HGF: variants seen among roughly 807,000 people sequenced by gnomAD.
The protein encoded by HGF is fibroblast-derived tumor cytotoxic factor.
In HGF, 39 loss-of-function variants were observed where a neutral mutation model predicts 111.6. The observed-to-expected ratio is 0.35, with a 90% CI of 0.27 to 0.46. HGF has a LOEUF of 0.46. Ranked by LOEUF, HGF falls within the 20% of genes least tolerant of loss-of-function variation. The pLI is 1.00. For synonymous variants in HGF, 285 were observed against 294.8 expected (o/e 0.97, Z 0.34); for missense variants, 735 against 910.5 (o/e 0.81, Z 2.48).
intron 2 of HGF, among the ~76,000 whole-genome samples, chr7:81,762,398 T>C (rs1218651209): frequency 6.6e-6 from 1 of 152,234 alleles, no homozygotes; most frequent in Admixed American, 6.5e-5. Context: ...TGAATAGATA[T>C]TTTAAAACCC....
At chr7:81,759,619 C>A (rs1489904668) in intron 2 of HGF, among the ~76,000 whole-genome samples, 1 of 152,062 alleles carries the variant, frequency 6.6e-6, no homozygotes. Context: ...ATTCTCCTGC[C>A]TCAGCCTCCC....
Position 81,758,744 on chromosome 7 carries a change from T to C in HGF, c.315A>G (p.Ser105=). 2 of 1,613,366 alleles carry C rather than the reference T, an allele frequency of 1.2e-6. No individual in the cohort carries two copies. Among genetic ancestry groups the C allele is most frequent in the Non-Finnish European group, 1.7e-6 (2 of 1,179,564 alleles). The change falls in exon 3 of 18, where the codon TCA becomes TCG. Residue 105 remains serine (S), a synonymous_variant. Transcript: ENST00000222390. ...QCLWFPFNSM[S]SGVKKEFGHE... The stretch of plus-strand genomic sequence containing the variant: ...GGCCAAATTCTTTTTTCACTCCACT[T>C]GACATGCTATTGAAGGGGAACCAGA...
intron 7 of HGF, chr7:81,736,761 G>C (rs1194646503): frequency 4.3e-6 from 2 of 469,940 alleles, no homozygotes; most frequent in South Asian, 3.1e-5. Context: ...TGAGAGCCTG[G>C]AGAGAAATGT....
chr7:81,742,963 G>A (rs1351659970), intron 7 of HGF: 2 of 1,611,970 alleles, frequency 1.2e-6, no homozygotes, highest in Non-Finnish European at 1.7e-6. Context: ...GGGAGGAAAG[G>A]TAGGTAAAGG....
Position 81,700,957 on chromosome 7 carries a change from C to G in HGF, c.*1624G>C, listed in dbSNP as rs1789263655. On this transcript the variant is annotated 3_prime_UTR_variant, in exon 18 of 18. Coordinates refer to ENST00000222390, the MANE Select transcript of HGF (RefSeq NM_000601.6). ...GGACTTGGCCTTGATAAAAATCACT[C>G]AAGAAAACTAAGTCAGAGAAATGGG... is the stretch of plus-strand genomic sequence containing the variant. 6.6e-6 allele frequency: 1 copy of G among 151,570 alleles called. No homozygotes were observed. Among genetic ancestry groups the G allele is most frequent in the Non-Finnish European group, 1.5e-5 (1 of 67,664 alleles). 9.4% of individuals were successfully genotyped at this position (151,570 alleles called of 1,614,324 possible). A position where few individuals can be genotyped will look rare whatever the true frequency, so the allele number is the denominator to read the frequency against.
chr7:81,745,943 T>C (rs540959107), intron 5 of HGF, among the ~76,000 whole-genome samples: 16 of 152,362 alleles, frequency 1.1e-4, no homozygotes, highest in African/African-American at 3.8e-4. Context: ...CAGGTTGATT[T>C]GTAGCACAGA....
intron 5 of HGF, 43 bp downstream of exon 5, chr7:81,752,077 T>G: frequency 6.2e-7 from 1 of 1,612,388 alleles, no homozygotes; most frequent in Middle Eastern, 1.7e-4. Context: ...GTTCTACACA[T>G]AGGGGGAATA....
At chr7:81,756,918 T>C (rs768025098) in intron 4 of HGF, 1 of 514,088 alleles carries the variant, frequency 1.9e-6, no homozygotes, top group Non-Finnish European at 3.5e-6. Flanking sequence ...AAGAATCCTT[T>C]TAAACGAAGT....
intron 5 of HGF, chr7:81,751,223 A>C (rs2116106259): frequency 2.1e-6 from 2 of 955,748 alleles, no homozygotes; most frequent in Middle Eastern, 5.4e-4. Flanking sequence ...ACAGCATTCC[A>C]GTAGTCCCCC....
Position 81,758,759 on chromosome 7 carries a change from G to A in HGF, c.300C>T (p.Pro100=), listed in dbSNP as rs1361905808. The A allele has an allele frequency of 2.5e-6, 4 of 1,613,230 alleles. No homozygotes were observed. The highest frequency in any genetic ancestry group is 3.4e-6 in the Non-Finnish European group (4 of 1,179,528). Residue 100 remains proline, a synonymous_variant, in exon 3 of 18, where the codon CCC becomes CCT. Transcript: ENST00000222390. The stretch of plus-strand genomic sequence containing the variant: ...TCACTCCACTTGACATGCTATTGAA[G>A]GGGAACCAGAGGCATTGTTTTCTTG... ...DKARKQCLWF[P]FNSMSSGVKK...
intron 14 of HGF, 32 bp from the exon 15 acceptor site, chr7:81,706,459 AC>A: frequency 6.4e-7 from 1 of 1,558,846 alleles, no homozygotes; most frequent in Non-Finnish European, 8.8e-7. Flanking sequence ...TAAATGTAAA[AC>A]ATAATAATTC....
intron 7 of HGF, chr7:81,742,954 G>A (rs1266595687): frequency 1.2e-5 from 19 of 1,612,688 alleles, no homozygotes; most frequent in East Asian, 2.2e-5. Flanking sequence ...ATGTCTCTGG[G>A]GAGGAAAGGT....
chr7:81,704,862 A>C (rs5745758), intron 17 of HGF, among the ~76,000 whole-genome samples: 70 of 151,976 alleles, frequency 4.6e-4, no homozygotes, highest in African/African-American at 1.6e-3. Context: ...CACAAATGAA[A>C]TGTCCAAGCT....
intron 6 of HGF, 95 bp from the exon 7 acceptor site, chr7:81,743,566 C>T: frequency 3.6e-6 from 3 of 840,868 alleles, no homozygotes; most frequent in Non-Finnish European, 6.3e-6. Context: ...AGGTTGTCTA[C>T]ACCTAGCTGG....
intron 7 of HGF, among the ~76,000 whole-genome samples, chr7:81,735,667 A>G (rs1173335910): frequency 6.6e-6 from 1 of 152,052 alleles, no homozygotes; most frequent in Non-Finnish European, 1.5e-5. Flanking sequence ...ATTTTTTTGT[A>G]TATTTGTTTC....
chr7:81,706,392 T>A lies in HGF; in HGVS notation c.1652A>T (p.His551Leu). 8.1e-6 allele frequency: 13 copies of A among 1,612,518 alleles called. No individual in the cohort carries two copies. The highest frequency in any genetic ancestry group is 1.1e-5 in the Non-Finnish European group (13 of 1,178,786). Residue 551 changes from histidine to leucine, a missense_variant, in exon 15 of 18, where the codon CAT (histidine) becomes CTT (leucine). Transcript: ENST00000222390. ...LKDYEAWLGI[H>L]DVHGRGDEKC... is the part of the protein sequence containing the mutation. ...CTCATCTCCTCTTCCGTGGACATCATGAATTCCAAGCCAAGCTTCATAATC... is the reference window on the plus strand; with the variant it reads ...CTCATCTCCTCTTCCGTGGACATCAAGAATTCCAAGCCAAGCTTCATAATC...
intron 4 of HGF, among the ~76,000 whole-genome samples, chr7:81,753,712 G>A (rs1326802345): frequency 6.6e-6 from 1 of 151,954 alleles, no homozygotes; most frequent in East Asian, 1.9e-4. Context: ...GGGAACCAGT[G>A]AAGTATTATC....
rs573406409 is a variant in HGF at position 81,702,515 on chromosome 7, C to T, written c.*66G>A. On this transcript the variant is annotated 3_prime_UTR_variant, in exon 18 of 18. Transcript: ENST00000222390. Reference sequence around the variant, plus strand: ...GTTGTAAGTGACATTTTAAATTCCACATTCTCTGAAATCTTCATGTAAAAG... The same window carrying T: ...GTTGTAAGTGACATTTTAAATTCCATATTCTCTGAAATCTTCATGTAAAAG... 5.4e-6 allele frequency: 7 copies of T among 1,299,430 alleles called. No individual in the cohort carries two copies. In the African/African-American group the frequency reaches 7.3e-5, roughly 14 times the overall value. The allele number at this position is 1,299,430 out of a possible 1,614,324, so 80.5% of individuals were successfully genotyped here. A position where few individuals can be genotyped will look rare whatever the true frequency, so the allele number is the denominator to read the frequency against.
chr7:81,737,202 A>G (rs949243843), intron 7 of HGF, among the ~76,000 whole-genome samples: 1 of 152,034 alleles, frequency 6.6e-6, no homozygotes, highest in Non-Finnish European at 1.5e-5. Context: ...TGGGCAAATA[A>G]TAGAGCCTAA....
Sources: allele counts gnomAD v4.1 joint callset (sites outside exome capture counted in the v4.1 genomes callset), GRCh38; gene constraint gnomAD v4.1.1; transcripts MANE v1.5; gene names NCBI Gene and HGNC (gene_info 2026-07-23, HGNC 2026-07-21).